The following FNDC3B variants were observed in gnomAD, a reference collection of about 807,000 sequenced individuals.
The protein encoded by FNDC3B is fibronectin type III domain-containing protein 3B.
In FNDC3B, 12 loss-of-function variants were observed where a neutral mutation model predicts 151.5. That is an observed-to-expected ratio of 0.08 (90% CI 0.05 to 0.13). FNDC3B has a LOEUF of 0.13. FNDC3B is among the 10% of genes least tolerant of loss of function. The pLI is 1.00. For missense variants in FNDC3B, 1,214 were observed against 1,505.3 expected (o/e 0.81, Z 3.20); for synonymous variants, 528 against 549.0 (o/e 0.96, Z 0.54).
intron 11 of FNDC3B, among the ~76,000 whole-genome samples, chr3:172,315,889 A>G (rs1038149096): frequency 1.3e-5 from 2 of 151,492 alleles, no homozygotes; most frequent in Non-Finnish European, 2.9e-5. Flanking sequence ...TTGAGACACT[A>G]TACCCGTTGG....
rs987777089 is a variant in FNDC3B, at chr3:172,133,691, G to C, written c.187+145G>C. Reference sequence around the variant, plus strand: ...CATTTTCTTTTTTTTTCTGTCGCATGGTCTCAAATATATATTATGATGTTA... The same window carrying C: ...CATTTTCTTTTTTTTTCTGTCGCATCGTCTCAAATATATATTATGATGTTA... On this transcript the variant is annotated intron_variant, in intron 3 of 25. Transcript: ENST00000415807. The C allele has an allele frequency of 4.1e-6, 3 of 728,020 alleles. No homozygotes were observed. In the African/African-American group the frequency reaches 5.2e-5, roughly 13 times the overall value. 45.1% of individuals were successfully genotyped at this position (728,020 alleles called of 1,614,324 possible). A position where few individuals can be genotyped will look rare whatever the true frequency, so the allele number is the denominator to read the frequency against.
intron 6 of FNDC3B, among the ~76,000 whole-genome samples, chr3:172,275,221 C>T (rs1309719668): frequency 6.6e-6 from 1 of 151,968 alleles, no homozygotes; most frequent in Admixed American, 6.6e-5. Flanking sequence ...ATTACAGAGC[C>T]AATTTGGGGT....
At chr3:172,328,073 G>A (rs1175524084) in intron 11 of FNDC3B, among the ~76,000 whole-genome samples, 1 of 152,206 alleles carries the variant, frequency 6.6e-6, no homozygotes, top group Non-Finnish European at 1.5e-5. Context: ...GTGTGGCATA[G>A]GGCGGTTAGA....
intron 3 of FNDC3B, among the ~76,000 whole-genome samples, chr3:172,211,965 T>C (rs547068958): frequency 1.3e-4 from 20 of 152,346 alleles, no homozygotes; most frequent in Admixed American, 6.5e-4. Flanking sequence ...ACTTCCTTAT[T>C]CTTAGATGTA....
intron 14 of FNDC3B, 56 bp from the exon 15 acceptor site, chr3:172,334,888 A>G: frequency 6.5e-7 from 1 of 1,539,098 alleles, no homozygotes; most frequent in Non-Finnish European, 8.9e-7. Flanking sequence ...AGTGACCATT[A>G]ATTTAATGAT....
intron 11 of FNDC3B, among the ~76,000 whole-genome samples, chr3:172,312,639 T>TGTGCGTGCGTGCATGCACACACTC (rs1299796401): frequency 3.3e-5 from 5 of 152,118 alleles, no homozygotes; most frequent in African/African-American, 7.2e-5. Context: ...TGTGTGTGTA[T>TGTGCGTGCGTGCATGCACACACTC]GTGCGTGCGT....
intron 3 of FNDC3B, among the ~76,000 whole-genome samples, chr3:172,166,345 G>A (rs1723000740): frequency 6.6e-6 from 1 of 152,180 alleles, no homozygotes; most frequent in Non-Finnish European, 1.5e-5. Flanking sequence ...TTAATGAAAT[G>A]AATGAGTGAT....
intron 1 of FNDC3B, among the ~76,000 whole-genome samples, chr3:172,087,960 A>G (rs1203307638): frequency 6.6e-6 from 1 of 152,204 alleles, no homozygotes; most frequent in Non-Finnish European, 1.5e-5. Flanking sequence ...AATGTAGTAT[A>G]TACCACTTTG....
At chr3:172,261,657 G>A (rs1255683609) in intron 6 of FNDC3B, among the ~76,000 whole-genome samples, 1 of 152,154 alleles carries the variant, frequency 6.6e-6, no homozygotes. Flanking sequence ...TGTGGGAAAG[G>A]TCCCTGGGAA....
At chr3:172,109,322 C>T (rs1224720959) in intron 1 of FNDC3B, among the ~76,000 whole-genome samples, 2 of 152,168 alleles carry the variant, frequency 1.3e-5, no homozygotes, top group Non-Finnish European at 2.9e-5. Flanking sequence ...CCCGCCACTG[C>T]GCCCGGCTAA....
intron 1 of FNDC3B, among the ~76,000 whole-genome samples, chr3:172,097,482 T>A (rs1326371343): frequency 6.6e-6 from 1 of 152,214 alleles, no homozygotes; most frequent in Non-Finnish European, 1.5e-5. Context: ...ATTTAAACAA[T>A]CACATGGTGC....
intron 1 of FNDC3B, among the ~76,000 whole-genome samples, chr3:172,066,267 C>T (rs958336600): frequency 6.6e-6 from 1 of 152,052 alleles, no homozygotes; most frequent in Non-Finnish European, 1.5e-5. Flanking sequence ...AGCAGTGAGG[C>T]GATAATGATA....
intron 18 of FNDC3B, among the ~76,000 whole-genome samples, chr3:172,343,519 C>T (rs1371077875): frequency 6.6e-6 from 1 of 152,174 alleles, no homozygotes; most frequent in Non-Finnish European, 1.5e-5. Flanking sequence ...TCTTTCTCGT[C>T]TTTGTTTGCA....
At chr3:172,394,001 G>A (rs761008001) in intron 25 of FNDC3B, among the ~76,000 whole-genome samples, 24 of 149,760 alleles carry the variant, frequency 1.6e-4, no homozygotes, top group Non-Finnish European at 3.0e-4. Context: ...CCAGGTACTC[G>A]GGAGGCTGAG....
Position 172,123,136 on chromosome 3 carries a change from T to G in FNDC3B, c.112-10335T>G, listed in dbSNP as rs1398132982. Among the ~76,000 whole-genome samples the G allele has an allele frequency of 3.3e-5, 5 of 152,210 alleles. No individual in the cohort carries two copies. In the East Asian group the frequency reaches 9.6e-4, roughly 29 times the overall value. On this transcript the variant is annotated intron_variant, in intron 2 of 25. Coordinates refer to ENST00000415807, the MANE Select transcript of FNDC3B (RefSeq NM_022763.4). The stretch of plus-strand genomic sequence containing the variant: ...TCACTGCAGCCTCAACCTTCTGGGC[T>G]CAAGCTATCCTCTCACCTCAGCCTC...
intron 3 of FNDC3B, among the ~76,000 whole-genome samples, chr3:172,161,039 T>C (rs781632806): frequency 1.3e-5 from 2 of 152,204 alleles, no homozygotes; most frequent in Non-Finnish European, 2.9e-5. Context: ...AGAAAGTTTG[T>C]TTTTTAATCT....
rs566096936 is a variant in FNDC3B, at chr3:172,229,747, G to C, written c.264+2800G>C. Among the ~76,000 whole-genome samples the C allele has an allele frequency of 2.0e-5, 3 of 152,280 alleles. No homozygotes were observed. In the South Asian group the frequency reaches 6.2e-4, roughly 32 times the overall value. Reference sequence around the variant, plus strand: ...ATTGTCCAAGCTTAAGTAAGTACAGGAGAGATTCATATATATTCTTAAATG... The same window carrying C: ...ATTGTCCAAGCTTAAGTAAGTACAGCAGAGATTCATATATATTCTTAAATG... On this transcript the variant is annotated intron_variant, in intron 4 of 25. Transcript: ENST00000415807.
chr3:172,215,735 G>A (rs762789650), intron 3 of FNDC3B, among the ~76,000 whole-genome samples: 7 of 152,146 alleles, frequency 4.6e-5, no homozygotes, highest in East Asian at 1.9e-4. Context: ...ATTCTGCCCC[G>A]TTCCTGCTGA....
At chr3:172,260,382 T>C (rs941792830) in intron 6 of FNDC3B, among the ~76,000 whole-genome samples, 2 of 152,268 alleles carry the variant, frequency 1.3e-5, no homozygotes, top group African/African-American at 4.8e-5. Flanking sequence ...TTGGGAACTA[T>C]GTGCCCTTGG....
Sources: gnomAD v4.1 joint callset for allele counts (sites outside exome capture counted in the v4.1 genomes callset) on GRCh38, gnomAD v4.1.1 for gene constraint, MANE v1.5 for transcripts, NCBI Gene and HGNC (gene_info 2026-07-23, HGNC 2026-07-21) for gene names.